CNTN5: variants seen among roughly 807,000 people sequenced by gnomAD.
CNTN5 encodes contactin-5.
In CNTN5, 77 loss-of-function variants were observed where a neutral mutation model predicts 129.1. The ratio of observed to expected loss-of-function variants is 0.60; its 90% CI spans 0.50 to 0.72. The LOEUF is 0.72. Among genes scored for constraint, CNTN5 ranks in the 30% least tolerant of loss-of-function variants. The pLI is 0.00. For synonymous variants in CNTN5, 509 were observed against 465.6 expected (o/e 1.09, Z -1.20); for missense variants, 1,478 against 1,328.8 (o/e 1.11, Z -1.75).
At chr11:99,479,520 G>T (rs1463243429) in intron 2 of CNTN5, among the ~76,000 whole-genome samples, 4 of 151,824 alleles carry the variant, frequency 2.6e-5, no homozygotes, top group Admixed American at 6.6e-5. Context: ...AAATTTTGAA[G>T]GTAGATGAAA....
chr11:99,382,479 C>T (rs1940630480), intron 2 of CNTN5, among the ~76,000 whole-genome samples: 1 of 152,090 alleles, frequency 6.6e-6, no homozygotes, highest in Non-Finnish European at 1.5e-5. Context: ...TTGACAGCCT[C>T]CAATTTAAAA....
In CNTN5 at chr11:99,051,185, C is replaced by T. The variant is rs371826337; in HGVS notation, c.-210+29915C>T. Among the ~76,000 whole-genome samples, 131 of 152,008 alleles carry T rather than the reference C, an allele frequency of 8.6e-4. 2 individuals carry two copies. In the South Asian group the frequency reaches 0.026, roughly 30 times the overall value. On this transcript the variant is annotated intron_variant, in intron 1 of 24. Transcript: ENST00000524871. ...TCAGGAGATGTGTACTTTTCTCCCT[C>T]ATCATATTATCCTTTCTAATTATAA...
chr11:100,084,609 T>C (rs925070556), intron 13 of CNTN5, among the ~76,000 whole-genome samples: 1 of 152,016 alleles, frequency 6.6e-6, no homozygotes, highest in Non-Finnish European at 1.5e-5. Flanking sequence ...AAATATAACA[T>C]ATACAGATGT....
intron 7 of CNTN5, among the ~76,000 whole-genome samples, chr11:99,934,128 G>A (rs1038478223): frequency 3.3e-5 from 5 of 152,104 alleles, no homozygotes; most frequent in African/African-American, 9.7e-5. Context: ...TGTGAATTTG[G>A]GGACTTTATA....
intron 22 of CNTN5, among the ~76,000 whole-genome samples, 186 bp downstream of exon 22, chr11:100,340,835 T>A (rs775578664): frequency 6.6e-5 from 10 of 152,236 alleles, no homozygotes; most frequent in Non-Finnish European, 4.4e-5. Context: ...TAGACAAAGG[T>A]TATCTTCCTG....
chr11:99,644,993 G>C (rs780127155), intron 3 of CNTN5, among the ~76,000 whole-genome samples: 2 of 151,788 alleles, frequency 1.3e-5, no homozygotes, highest in African/African-American at 2.4e-5. Flanking sequence ...GAGGTCAGGC[G>C]TGGTGGCTTA....
At chr11:99,639,521 T>C (rs573523913) in intron 3 of CNTN5, among the ~76,000 whole-genome samples, 6 of 148,674 alleles carry the variant, frequency 4.0e-5, no homozygotes, top group Admixed American at 3.4e-4. Context: ...GCTTCCCTTA[T>C]AAAACAATGT....
intron 1 of CNTN5, among the ~76,000 whole-genome samples, chr11:99,022,085 G>A (rs1325962340): frequency 6.6e-6 from 1 of 152,064 alleles, no homozygotes; most frequent in Non-Finnish European, 1.5e-5. Context: ...TTTAAATGCA[G>A]GTGAGAAGCA....
At chr11:99,627,102 G>T (rs1434146714) in intron 3 of CNTN5, among the ~76,000 whole-genome samples, 4 of 152,018 alleles carry the variant, frequency 2.6e-5, no homozygotes, top group African/African-American at 9.7e-5. Flanking sequence ...GTGGATAGAA[G>T]CCTGTCCCCT....
At chr11:100,234,158 G>C (rs188753916) in intron 16 of CNTN5, among the ~76,000 whole-genome samples, 33 of 152,258 alleles carry the variant, frequency 2.2e-4, no homozygotes, top group African/African-American at 7.2e-4. Context: ...ATGCTGGAGA[G>C]GATATGGAGA....
chr11:99,641,476 CAG>C lies in CNTN5; in HGVS notation c.55+85210_55+85211del, dbSNP rs1951768296. Among the ~76,000 whole-genome samples the C allele has an allele frequency of 2.0e-5, 3 of 152,238 alleles. No individual in the cohort carries two copies. In the South Asian group the frequency reaches 6.2e-4, roughly 32 times the overall value. ...TCTCACCTCTGTATGGGACTGAAGACAGAGGGATTTAAAGGAGGAGACGTAGG... is the reference window on the plus strand; with the variant it reads ...TCTCACCTCTGTATGGGACTGAAGACAGGGATTTAAAGGAGGAGACGTAGG... On this transcript the variant is annotated intron_variant, in intron 3 of 24. Coordinates refer to ENST00000524871, the MANE Select transcript of CNTN5 (RefSeq NM_014361.4).
rs545696832 is a variant in CNTN5, at chr11:99,486,493, A to G, written c.-70-69652A>G. 2.0e-5 allele frequency among the ~76,000 whole-genome samples: 3 copies of G among 152,296 alleles called. No individual in the cohort carries two copies. In the East Asian group the frequency reaches 5.8e-4, roughly 29 times the overall value. ...TAGAACAGTTAAATTTGTTTAGATA[A>G]TAGTCAGTATATTATTCCATTTTAG... On this transcript the variant is annotated intron_variant, in intron 2 of 24. Transcript: ENST00000524871.
At chr11:99,244,863 G>T (rs1362770918) in intron 1 of CNTN5, among the ~76,000 whole-genome samples, 1 of 152,076 alleles carries the variant, frequency 6.6e-6, no homozygotes, top group Non-Finnish European at 1.5e-5. Flanking sequence ...CCTTCCTGTG[G>T]ACTGGGTTTA....
intron 2 of CNTN5, among the ~76,000 whole-genome samples, chr11:99,384,895 A>G (rs1459618263): frequency 6.6e-6 from 1 of 152,172 alleles, no homozygotes; most frequent in Non-Finnish European, 1.5e-5. Flanking sequence ...GAGAAAATTC[A>G]AAGTCTACCC....
At chr11:99,770,629 A>G (rs928235273) in intron 3 of CNTN5, among the ~76,000 whole-genome samples, 2 of 151,884 alleles carry the variant, frequency 1.3e-5, no homozygotes, top group Admixed American at 6.6e-5. Flanking sequence ...TCTTTCATCA[A>G]TGTCTTAGTT....
intron 16 of CNTN5, among the ~76,000 whole-genome samples, chr11:100,229,008 A>T (rs761712851): frequency 3.0e-4 from 46 of 152,170 alleles, no homozygotes; most frequent in Non-Finnish European, 5.9e-4. Context: ...AGGGCCCCGA[A>T]CTTGCAAGTT....
chr11:99,411,080 A>C (rs933136544), intron 2 of CNTN5, among the ~76,000 whole-genome samples: 2 of 152,230 alleles, frequency 1.3e-5, no homozygotes, highest in South Asian at 4.1e-4. Context: ...CACAGAAAAC[A>C]TTTTATGAAA....
intron 3 of CNTN5, among the ~76,000 whole-genome samples, chr11:99,780,863 T>C (rs1340386219): frequency 6.6e-6 from 1 of 151,990 alleles, no homozygotes; most frequent in Non-Finnish European, 1.5e-5. Flanking sequence ...AAGATCACAG[T>C]GGGAGAAAAT....
intron 22 of CNTN5, 76 bp from the exon 23 acceptor site, chr11:100,341,017 A>G (rs1365217415): frequency 2.8e-6 from 3 of 1,075,990 alleles, no homozygotes; most frequent in Non-Finnish European, 4.3e-6. Flanking sequence ...GAAAAGATTG[A>G]GATACTCACA....
Sources: allele counts gnomAD v4.1 joint callset (sites outside exome capture counted in the v4.1 genomes callset), GRCh38; gene constraint gnomAD v4.1.1; transcripts MANE v1.5; gene names NCBI Gene and HGNC (gene_info 2026-07-23, HGNC 2026-07-21).